STARD8: variants seen among roughly 807,000 people sequenced by gnomAD.
The protein encoded by STARD8 is StAR related lipid transfer domain containing 8, also known as stAR-related lipid transfer protein 8.
In STARD8, 25 loss-of-function variants were observed where a neutral mutation model predicts 69.4. The ratio of observed to expected loss-of-function variants is 0.36; its 90% confidence interval spans 0.26 to 0.50. The LOEUF (loss-of-function observed/expected upper bound fraction) is 0.50, where lower values mean the gene tolerates loss of function less well. STARD8 is among the 20% of genes least tolerant of loss of function. STARD8 has a pLI of 0.96. For synonymous variants in STARD8, 389 were observed against 374.6 expected (o/e 1.04, Z -0.45); for missense variants, 921 against 932.5 (o/e 0.99, Z 0.16).
chrX:68,683,909 C>T (rs966960299), intron 2 of STARD8, among the ~76,000 whole-genome samples: 1 of 112,181 alleles, frequency 8.9e-6, no homozygotes, highest in Non-Finnish European at 1.9e-5. Context: ...GATGGAGGCT[C>T]GAGGTCCCAA....
At chrX:68,715,431 C>T (rs1463260681) in intron 4 of STARD8, 56 bp downstream of exon 4, 13 of 1,049,426 alleles carry the variant, frequency 1.2e-5, no homozygotes, top group South Asian at 2.2e-5. Context: ...GAAGCTTCCT[C>T]GTGGAAAAAA....
intron 2 of STARD8, among the ~76,000 whole-genome samples, chrX:68,696,115 T>C (rs1236617621): frequency 1.8e-5 from 2 of 112,704 alleles, no homozygotes; most frequent in Non-Finnish European, 3.8e-5. Context: ...CCCAGTTTGG[T>C]TAGGATCAGG....
intron 2 of STARD8, among the ~76,000 whole-genome samples, chrX:68,704,694 G>GGGGAAAGAT (rs2147918415): frequency 9.0e-6 from 1 of 111,560 alleles, no homozygotes; most frequent in Non-Finnish European, 1.9e-5. Context: ...GCTGGTTTGT[G>GGGGAAAGAT]GGGAAAGATG....
chrX:68,676,964 A>G (rs2079768972), intron 2 of STARD8, among the ~76,000 whole-genome samples: 1 of 107,820 alleles, frequency 9.3e-6, no homozygotes. Context: ...TGGGCAACAT[A>G]GGGAGACCCC....
In STARD8 at chrX:68,663,173, T is replaced by C. The variant is rs781037578; in HGVS notation, c.46-2326T>C. ...GGCCTTCACTTTGTAGCAGAAATCT[T>C]TGATGCAAAAGTTCATATGCTATCT... On this transcript the variant is annotated intron_variant, in intron 1 of 14. Transcript: ENST00000374599. Among the ~76,000 whole-genome samples the C allele has an allele frequency of 3.6e-5, 4 of 112,126 alleles. No individual in the cohort carries two copies. The South Asian group carries it at 1.5e-3, about 42-fold the overall frequency.
Position 68,718,151 on chromosome X carries a change from C to G in STARD8, c.1237C>G (p.Leu413Val), listed in dbSNP as rs1224263029. The G allele has an allele frequency of 8.3e-7, 1 of 1,210,046 alleles. No homozygotes were observed. Among genetic ancestry groups the G allele is most frequent in the Non-Finnish European group, 1.1e-6 (1 of 895,174 alleles). The change falls in exon 6 of 15, where the codon CTG (leucine) becomes GTG (valine). Residue 413 changes from leucine to valine, a missense_variant. By Grantham distance (32) the Leu-to-Val change is conservative (BLOSUM62 1). Coordinates refer to ENST00000374599, the MANE Select transcript of STARD8 (RefSeq NM_001142503.3). ...GTGGTCTCGGGCCATGTACCCAGAC[C>G]TGGGGCCTGGAGATGAGGAAGAGGA... ...ELWSRAMYPD[L>V]GPGDEEEEEA...
intron 2 of STARD8, among the ~76,000 whole-genome samples, chrX:68,672,432 C>T (rs1049085110): frequency 8.9e-6 from 1 of 111,916 alleles, no homozygotes; most frequent in African/African-American, 3.3e-5. Flanking sequence ...CTATAATGCG[C>T]TCCCCAGAAT....
intron 2 of STARD8, among the ~76,000 whole-genome samples, chrX:68,666,418 G>A (rs1350570197): frequency 8.9e-6 from 1 of 112,157 alleles, no homozygotes; most frequent in Non-Finnish European, 1.9e-5. Flanking sequence ...AAACAGAAAG[G>A]CATCTATTAA....
intron 1 of STARD8, among the ~76,000 whole-genome samples, chrX:68,653,610 C>T (rs1474650980): frequency 2.8e-5 from 1 of 35,180 alleles, no homozygotes; most frequent in East Asian, 9.4e-4. Context: ...ACACACACCC[C>T]ACCACACACA....
chrX:68,712,870 T>A (rs377313099), intron 2 of STARD8, 44 bp from the exon 3 acceptor site: 1 of 1,165,968 alleles, frequency 8.6e-7, no homozygotes, highest in Non-Finnish European at 1.2e-6. Flanking sequence ...AGCACCCTCC[T>A]AACCCCATTT....
rs893353699 is a variant in STARD8, at chrX:68,671,024, C to T, written c.79+5492C>T. On this transcript the variant is annotated intron_variant, in intron 2 of 14. Transcript: ENST00000374599. The stretch of plus-strand genomic sequence containing the variant: ...TAACTGGTCTTCCTGCCACCATGCT[C>T]GCCCTTCCAGTTCACCCTCCATGCT... Among the ~76,000 whole-genome samples the T allele has an allele frequency of 1.1e-4, 12 of 111,829 alleles. No individual in the cohort carries two copies. In the Admixed American group the frequency reaches 1.1e-3, roughly 11 times the overall value.
At chrX:68,657,844 C>T (rs775423884) in intron 1 of STARD8, among the ~76,000 whole-genome samples, 3 of 109,933 alleles carry the variant, frequency 2.7e-5, no homozygotes, top group Non-Finnish European at 3.8e-5. Flanking sequence ...GAGATGGGGA[C>T]GAGCATTGGG....
intron 2 of STARD8, among the ~76,000 whole-genome samples, chrX:68,681,112 A>G (rs2079798087): frequency 9.0e-6 from 1 of 111,434 alleles, no homozygotes; most frequent in Non-Finnish European, 1.9e-5. Context: ...CCATCCAGCA[A>G]CCCTTCTAAG....
rs1407825056 is a variant in STARD8, at chrX:68,722,414, C to T, written c.2575-8C>T. ...GAGCTGCAGCCCATTGTGTGTGTGC[C>T]CTCTCAGGTGCCCCAGGACATGGTG... is the stretch of plus-strand genomic sequence containing the variant. On this transcript the variant is annotated splice_polypyrimidine_tract_variant and splice_region_variant and intron_variant, in intron 11 of 14. Transcript: ENST00000374599. The T allele has an allele frequency of 8.4e-7, 1 of 1,185,362 alleles. No homozygotes were observed. Among genetic ancestry groups the T allele is most frequent in the South Asian group, 1.9e-5 (1 of 53,779 alleles).
At chrX:68,690,478 C>T (rs1213806411) in intron 2 of STARD8, among the ~76,000 whole-genome samples, 1 of 110,114 alleles carries the variant, frequency 9.1e-6, no homozygotes, top group Non-Finnish European at 1.9e-5. Flanking sequence ...CTTATTGGGA[C>T]CCAAGGGTCT....
chrX:68,668,268 TTC>T (rs1383076226), intron 2 of STARD8, among the ~76,000 whole-genome samples: 1 of 86,436 alleles, frequency 1.2e-5, no homozygotes, highest in Admixed American at 1.3e-4. Flanking sequence ...CTTTCTTTCT[TTC>T]TTTCTCTTTC....
At chrX:68,655,052 T>C (rs929959842) in intron 1 of STARD8, among the ~76,000 whole-genome samples, 1 of 112,003 alleles carries the variant, frequency 8.9e-6, no homozygotes, top group African/African-American at 3.2e-5. Flanking sequence ...CATGAATGTA[T>C]ACAAACTCCT....
intron 2 of STARD8, among the ~76,000 whole-genome samples, chrX:68,704,942 C>A (rs1314961891): frequency 8.9e-6 from 1 of 111,962 alleles, no homozygotes. Flanking sequence ...GTTCACCTGA[C>A]CGTTAGTCCA....
At chrX:68,696,952 A>C (rs2079924492) in intron 2 of STARD8, among the ~76,000 whole-genome samples, 1 of 111,167 alleles carries the variant, frequency 9.0e-6, no homozygotes, top group African/African-American at 3.3e-5. Context: ...AACATATATA[A>C]AAATAGAGAT....
Sources: gnomAD v4.1 joint callset for allele counts (sites outside exome capture counted in the v4.1 genomes callset) on GRCh38, gnomAD v4.1.1 for gene constraint, MANE v1.5 for transcripts, NCBI Gene and HGNC (gene_info 2026-07-23, HGNC 2026-07-21) for gene names.